Variants in KIF16B observed in about 807,000 individuals in gnomAD.
The protein encoded by KIF16B is kinesin family member 16B.
A neutral mutation model predicts 156.3 loss-of-function variants in KIF16B; 98 were observed. The observed-to-expected ratio is 0.63, with a 90% CI of 0.53 to 0.74. KIF16B has a LOEUF of 0.74. KIF16B is among the 30% of genes least tolerant of loss of function. KIF16B has a pLI of 0.00. For synonymous variants in KIF16B, 564 were observed against 583.7 expected (o/e 0.97, Z 0.49); for missense variants, 1,421 against 1,606.5 (o/e 0.88, Z 1.97).
At chr20:16,453,972 A>G (rs1237585627) in intron 12 of KIF16B, among the ~76,000 whole-genome samples, 1 of 152,228 alleles carries the variant, frequency 6.6e-6, no homozygotes, top group Non-Finnish European at 1.5e-5. Flanking sequence ...GTGCACACAC[A>G]CATGCACACA....
chr20:16,374,789 T>C (rs957494927), intron 19 of KIF16B, among the ~76,000 whole-genome samples: 12 of 152,196 alleles, frequency 7.9e-5, no homozygotes, highest in African/African-American at 2.9e-4. Context: ...TTACGTTTGA[T>C]GAAAAAGATC....
intron 1 of KIF16B, among the ~76,000 whole-genome samples, chr20:16,549,305 C>A (rs2070545509): frequency 6.6e-6 from 1 of 151,398 alleles, no homozygotes; most frequent in Non-Finnish European, 1.5e-5. Context: ...GTTTTTCGAT[C>A]TTGCGATAGT....
chr20:16,406,574 G>T, intron 15 of KIF16B, 118 bp from the exon 16 acceptor site: 2 of 919,662 alleles, frequency 2.2e-6, no homozygotes, highest in Non-Finnish European at 1.7e-6. Flanking sequence ...AAATAATAAG[G>T]GAAAGCTTTA....
At chr20:16,561,339 G>A (rs2071054465) in intron 1 of KIF16B, among the ~76,000 whole-genome samples, 1 of 152,164 alleles carries the variant, frequency 6.6e-6, no homozygotes, top group Non-Finnish European at 1.5e-5. Flanking sequence ...GCATTGAGCA[G>A]ATGAATGTCT....
chr20:16,451,429 A>C (rs1412367655), intron 12 of KIF16B, among the ~76,000 whole-genome samples: 1 of 152,124 alleles, frequency 6.6e-6, no homozygotes, highest in Non-Finnish European at 1.5e-5. Flanking sequence ...GTGATTCCTG[A>C]TAAATCATAA....
intron 22 of KIF16B, chr20:16,369,064 G>T (rs1381144301): frequency 2.6e-5 from 26 of 985,724 alleles, no homozygotes; most frequent in Non-Finnish European, 3.1e-5. Context: ...CTCGGGTACT[G>T]AGGACTGATC....
chr20:16,372,847 G>A (rs908952460), intron 20 of KIF16B, among the ~76,000 whole-genome samples: 34 of 152,204 alleles, frequency 2.2e-4, no homozygotes, highest in Admixed American at 5.2e-4. Context: ...ACAGGCACCC[G>A]CCACCACACC....
intron 12 of KIF16B, among the ~76,000 whole-genome samples, chr20:16,492,030 G>A (rs1373831191): frequency 1.3e-5 from 2 of 152,092 alleles, no homozygotes; most frequent in Admixed American, 6.6e-5. Context: ...ACCATGAGAG[G>A]GGGTTTGTAC....
chr20:16,544,023 G>A (rs1435288262), intron 1 of KIF16B, among the ~76,000 whole-genome samples: 14 of 152,100 alleles, frequency 9.2e-5, no homozygotes, highest in Non-Finnish European at 1.8e-4. Context: ...GGATCCCAGG[G>A]GAACACAATG....
At chr20:16,537,823 C>G (rs1185342189) in intron 1 of KIF16B, among the ~76,000 whole-genome samples, 1 of 151,012 alleles carries the variant, frequency 6.6e-6, no homozygotes, top group Non-Finnish European at 1.5e-5. Flanking sequence ...CGTGCCTCAG[C>G]TTCCTGAGTA....
intron 6 of KIF16B, among the ~76,000 whole-genome samples, chr20:16,508,342 C>CA (rs1418470726): frequency 6.6e-6 from 1 of 152,182 alleles, no homozygotes; most frequent in African/African-American, 2.4e-5. Flanking sequence ...TGCTTCACCT[C>CA]ACTGTGCCTC....
intron 12 of KIF16B, among the ~76,000 whole-genome samples, chr20:16,480,690 A>C (rs955280611): frequency 2.0e-5 from 3 of 152,222 alleles, no homozygotes; most frequent in African/African-American, 7.2e-5. Flanking sequence ...CAATGTCTAC[A>C]CATCTTAATC....
chr20:16,305,415 T>C (rs1179303652), intron 25 of KIF16B, among the ~76,000 whole-genome samples: 1 of 152,234 alleles, frequency 6.6e-6, no homozygotes, highest in Non-Finnish European at 1.5e-5. Context: ...TACTTTTTAT[T>C]GATATGCTAT....
intron 12 of KIF16B, among the ~76,000 whole-genome samples, chr20:16,443,964 T>C (rs541291459): frequency 6.6e-6 from 1 of 152,322 alleles, no homozygotes; most frequent in South Asian, 2.1e-4. Context: ...GTAAACCAAA[T>C]ACAATGTAAC....
Position 16,356,145 on chromosome 20 carries a change from G to A in KIF16B, c.3621+185C>T, listed in dbSNP as rs2064436487. ...TCTGCCTTACTAACACCTTCTATGA[G>A]GTACCTTCCTTCCATGTGTTACAGT... On this transcript the variant is annotated intron_variant, in intron 23 of 25. Transcript: ENST00000354981. 2.0e-5 allele frequency among the ~76,000 whole-genome samples: 3 copies of A among 152,156 alleles called. No homozygotes were observed. In the South Asian group the frequency reaches 6.2e-4, roughly 32 times the overall value.
At chr20:16,495,167 G>T (rs915859900) in intron 11 of KIF16B, among the ~76,000 whole-genome samples, 4 of 152,154 alleles carry the variant, frequency 2.6e-5, no homozygotes, top group African/African-American at 9.7e-5. Flanking sequence ...AGAAAGGGGA[G>T]AACTCATCCT....
At chr20:16,494,243 C>T (rs1378958925) in intron 12 of KIF16B, 48 bp downstream of exon 12, 2 of 1,124,160 alleles carry the variant, frequency 1.8e-6, no homozygotes, top group Non-Finnish European at 2.6e-6. Context: ...AAAGTTTTAC[C>T]AGTTTAATCC....
rs2065035206 is a variant in KIF16B, at chr20:16,379,473, C to A, written c.2529G>T (p.Leu843=). 1 of 1,614,074 alleles carries A rather than the reference C, an allele frequency of 6.2e-7. No homozygotes were observed. Among genetic ancestry groups the A allele is most frequent in the Non-Finnish European group, 8.5e-7 (1 of 1,180,014 alleles). The change falls in exon 19 of 26, where the codon CTG becomes CTT. Residue 843 remains leucine, a synonymous_variant. Coordinates refer to ENST00000354981, the MANE Select transcript of KIF16B (RefSeq NM_024704.5). ...TTTTCAGGATGTCTTTCTGCTGAAC[C>A]AGGTCCTTCTCCAAGTTCACTAGCT... The part of the protein sequence containing the change: ...LVKLVNLEKD[L]VQQKDILKKE...
chr20:16,492,179 T>A (rs1258567258), intron 12 of KIF16B, among the ~76,000 whole-genome samples: 1 of 152,152 alleles, frequency 6.6e-6, no homozygotes, highest in East Asian at 1.9e-4. Flanking sequence ...GACTGACTGA[T>A]GTAAAACGCT....
Sources: gnomAD v4.1 joint callset for allele counts (sites outside exome capture counted in the v4.1 genomes callset) on GRCh38, gnomAD v4.1.1 for gene constraint, MANE v1.5 for transcripts, NCBI Gene and HGNC (gene_info 2026-07-23, HGNC 2026-07-21) for gene names.